PTPRG: variants seen among roughly 807,000 people sequenced by gnomAD.
PTPRG encodes the protein protein tyrosine phosphatase receptor type G.
A neutral mutation model predicts 165.3 loss-of-function variants in PTPRG; 102 were observed. The ratio of observed to expected loss-of-function variants is 0.62; its 90% confidence interval spans 0.53 to 0.73. The LOEUF is 0.73. PTPRG is among the 30% of genes least tolerant of loss of function. PTPRG has a pLI of 0.00. For missense variants in PTPRG, 1,866 were observed against 1,861.4 expected (o/e 1.00, Z -0.05); for synonymous variants, 675 against 669.5 (o/e 1.01, Z -0.13).
At chr3:61,908,532 G>T (rs1222481198) in intron 2 of PTPRG, among the ~76,000 whole-genome samples, 1 of 152,034 alleles carries the variant, frequency 6.6e-6, no homozygotes, top group Non-Finnish European at 1.5e-5. Flanking sequence ...TGGAGGACGT[G>T]GTTAGAGTTT....
chr3:61,574,746 C>T (rs923803974), intron 1 of PTPRG, among the ~76,000 whole-genome samples: 9 of 152,158 alleles, frequency 5.9e-5, no homozygotes, highest in South Asian at 4.1e-4. Flanking sequence ...TTCGAGGGCA[C>T]GGCCCTGGTG....
intron 1 of PTPRG, among the ~76,000 whole-genome samples, chr3:61,633,675 T>C (rs1042240532): frequency 3.3e-5 from 5 of 152,228 alleles, no homozygotes; most frequent in African/African-American, 1.2e-4. Flanking sequence ...GGATGCCTTT[T>C]ATTTCTTTTT....
At chr3:62,138,661 G>T (rs1703805961) in intron 6 of PTPRG, among the ~76,000 whole-genome samples, 1 of 130,766 alleles carries the variant, frequency 7.6e-6, no homozygotes, top group African/African-American at 2.8e-5. Context: ...AGAATTTACA[G>T]TTAGCTGAGG....
intron 2 of PTPRG, among the ~76,000 whole-genome samples, chr3:61,822,858 C>G (rs1171402083): frequency 6.6e-6 from 1 of 152,138 alleles, no homozygotes; most frequent in African/African-American, 2.4e-5. Flanking sequence ...CATACCTTCC[C>G]CAAAAAAGGA....
At chr3:61,912,000 T>A (rs72882285) in intron 2 of PTPRG, among the ~76,000 whole-genome samples, 2,396 of 152,346 alleles carry the variant, frequency 0.016, 57 homozygotes, top group African/African-American at 0.052. Context: ...TCTTCTATTT[T>A]AATTGTCAGT....
At chr3:61,596,779 TTTA>T (rs10586288) in intron 1 of PTPRG, among the ~76,000 whole-genome samples, 34,328 of 151,324 alleles carry the variant, frequency 0.23, 4,094 homozygotes, top group African/African-American at 0.3. Flanking sequence ...TCTCAATTAG[TTTA>T]TTATTATTAT....
chr3:61,622,428 G>A (rs1701487249), intron 1 of PTPRG, among the ~76,000 whole-genome samples: 1 of 151,940 alleles, frequency 6.6e-6, no homozygotes, highest in Non-Finnish European at 1.5e-5. Context: ...CAGTCACTTT[G>A]GATGATAATT....
At chr3:62,279,128 T>C (rs1038010982) in intron 26 of PTPRG, among the ~76,000 whole-genome samples, 1 of 152,034 alleles carries the variant, frequency 6.6e-6, no homozygotes, top group Non-Finnish European at 1.5e-5. Flanking sequence ...TTCCTAAAGA[T>C]TGATATCTCT....
chr3:62,136,314 A>G (rs563784010), intron 6 of PTPRG, among the ~76,000 whole-genome samples: 2 of 152,286 alleles, frequency 1.3e-5, no homozygotes, highest in South Asian at 4.1e-4. Context: ...GGGAAGCAGC[A>G]CACTTAACTC....
At chr3:61,738,243 C>A (rs2032799262) in intron 1 of PTPRG, among the ~76,000 whole-genome samples, 1 of 125,642 alleles carries the variant, frequency 8.0e-6, no homozygotes, top group African/African-American at 2.9e-5. Flanking sequence ...TTAAATAGGG[C>A]TTCTTTGTCC....
chr3:61,654,143 T>C (rs552824275), intron 1 of PTPRG, among the ~76,000 whole-genome samples: 5 of 152,178 alleles, frequency 3.3e-5, no homozygotes, highest in African/African-American at 1.2e-4. Flanking sequence ...AAATGAATCG[T>C]GTGTGAATAG....
intron 2 of PTPRG, among the ~76,000 whole-genome samples, chr3:61,963,844 G>C (rs1488179170): frequency 2.0e-5 from 3 of 151,922 alleles, no homozygotes; most frequent in Non-Finnish European, 1.5e-5. Context: ...CTAAAGGAAT[G>C]CTTGTTGAAA....
At chr3:62,100,759 G>A (rs1508396) in intron 5 of PTPRG, among the ~76,000 whole-genome samples, 104,099 of 152,078 alleles carry the variant, frequency 0.68, 35,801 homozygotes, top group Middle Eastern at 0.78. Context: ...CGTAGCAGGA[G>A]GCATTTTTAA....
At chr3:62,002,664 T>C (rs2041202321) in intron 3 of PTPRG, among the ~76,000 whole-genome samples, 1 of 152,180 alleles carries the variant, frequency 6.6e-6, no homozygotes, top group Non-Finnish European at 1.5e-5. Context: ...AGGTATTCTT[T>C]GGATGGGTTA....
At chr3:61,852,338 A>G (rs2036985923) in intron 2 of PTPRG, among the ~76,000 whole-genome samples, 1 of 152,168 alleles carries the variant, frequency 6.6e-6, no homozygotes, top group Non-Finnish European at 1.5e-5. Flanking sequence ...CTTTCTGGAG[A>G]ATATGTCATG....
intron 2 of PTPRG, among the ~76,000 whole-genome samples, chr3:61,905,318 C>T (rs920743238): frequency 6.6e-6 from 1 of 152,140 alleles, no homozygotes; most frequent in Admixed American, 6.5e-5. Context: ...TTATCTTATC[C>T]TCTAAACGGT....
chr3:62,225,622 G>C (rs1700746304), intron 13 of PTPRG, among the ~76,000 whole-genome samples: 1 of 151,396 alleles, frequency 6.6e-6, no homozygotes, highest in African/African-American at 2.4e-5. Flanking sequence ...TATCTGAAAA[G>C]GCTTTGTATA....
At chr3:62,199,758 T>C (rs1231303476) in intron 10 of PTPRG, among the ~76,000 whole-genome samples, 1 of 152,214 alleles carries the variant, frequency 6.6e-6, no homozygotes, top group Non-Finnish European at 1.5e-5. Flanking sequence ...CTTTTGTTTT[T>C]TGAAAGAACC....
rs962932035 is a variant in PTPRG, at chr3:62,255,359, A to G, written c.2559+144A>G. On this transcript the variant is annotated intron_variant, in intron 16 of 29. Transcript: ENST00000474889. This position sits in a 1 kb window ranked among gnomAD's most constrained non-coding sequence, Gnocchi z 4.0. Reference sequence around the variant, plus strand: ...GTTTTTCTTTTCATCTATTATTTTAATAGGCATTCTTTTCCAAATAAAATT... The same window carrying G: ...GTTTTTCTTTTCATCTATTATTTTAGTAGGCATTCTTTTCCAAATAAAATT... The G allele has an allele frequency of 6.2e-5, 39 of 624,730 alleles. No homozygotes were observed. The highest frequency in any genetic ancestry group is 1.0e-4 in the Non-Finnish European group (37 of 370,326). 38.7% of individuals were successfully genotyped at this position (624,730 alleles called of 1,614,324 possible). A position where few individuals can be genotyped will look rare whatever the true frequency, so the allele number is the denominator to read the frequency against.
Sources: gnomAD v4.1 joint callset for allele counts (sites outside exome capture counted in the v4.1 genomes callset) on GRCh38, gnomAD v4.1.1 for gene constraint, Gnocchi (gnomAD v3.1) non-coding constraint, MANE v1.5 for transcripts, NCBI Gene and HGNC (gene_info 2026-07-23, HGNC 2026-07-21) for gene names.